The following C14orf39 variants were observed in gnomAD, a reference collection of about 807,000 sequenced individuals.
C14orf39 encodes the protein chromosome 14 open reading frame 39.
C14orf39 carries 66 observed loss-of-function variants against 85.6 expected under a neutral mutation model. That is an observed-to-expected ratio of 0.77 (90% CI 0.63 to 0.95). The LOEUF (loss-of-function observed/expected upper bound fraction) is 0.95. Ranked by LOEUF, C14orf39 falls within the 40% of genes least tolerant of loss-of-function variation. The pLI, the probability that C14orf39 is intolerant of heterozygous loss-of-function variation, is 0.00. For missense variants in C14orf39, 735 were observed against 663.9 expected, an observed-to-expected ratio of 1.11 and a Z score of -1.18; for synonymous variants, 242 against 214.0, an observed-to-expected ratio of 1.13 and a Z score of -1.14.
chr14:60,504,868 G>A (rs569812865), intron 1 of C14orf39, among the ~76,000 whole-genome samples: 2 of 152,318 alleles, frequency 1.3e-5, no homozygotes, highest in Middle Eastern at 3.4e-3. Flanking sequence ...TCAAAACACA[G>A]TTGAACAGGT....
intron 1 of C14orf39, chr14:60,509,855 C>A: frequency 6.2e-7 from 1 of 1,613,830 alleles, no homozygotes; most frequent in Non-Finnish European, 8.5e-7. Flanking sequence ...GGATCCATAC[C>A]CTAACCCCAG....
intron 2 of C14orf39, chr14:60,496,241 G>T: frequency 2.5e-6 from 1 of 404,480 alleles, no homozygotes; most frequent in Admixed American, 2.8e-5. Context: ...TGGATCTGCT[G>T]TAGCTGCTGC....
chr14:60,478,307 T>G lies in C14orf39; in HGVS notation c.316A>C (p.Lys106Gln). The G allele has an allele frequency of 6.5e-7, 1 of 1,540,614 alleles. No individual in the cohort carries two copies. Among genetic ancestry groups the G allele is most frequent in the Non-Finnish European group, 8.8e-7 (1 of 1,138,758 alleles). Residue 106 changes from lysine (K) to glutamine (Q), a missense_variant, in exon 5 of 18, where the codon AAA becomes CAA. Lys to Gln is a moderately conservative substitution (Grantham distance 53). Transcript: ENST00000321731. ...QFTVYQGTVE[K>Q]DKEMYHDYIC... Reference sequence around the variant, plus strand: ...TTCATATAAGTACTATACTTGTCTTTTTCAACAGTTCCTTGATAAACAGTA... The same window carrying G: ...TTCATATAAGTACTATACTTGTCTTGTTCAACAGTTCCTTGATAAACAGTA...
chr14:60,467,736 A>C (rs890565467), intron 9 of C14orf39, among the ~76,000 whole-genome samples: 5 of 151,768 alleles, frequency 3.3e-5, no homozygotes, highest in African/African-American at 1.2e-4. Context: ...AGAAAATAAC[A>C]CATCCAAAAA....
At chr14:60,494,254 A>G (rs1007975612) in intron 2 of C14orf39, 2 of 182,090 alleles carry the variant, frequency 1.1e-5, no homozygotes, top group Non-Finnish European at 2.4e-5. Flanking sequence ...TTTCCATGGC[A>G]TGTCTAGTTA....
chr14:60,464,312 A>G (rs550028121), intron 11 of C14orf39, among the ~76,000 whole-genome samples: 13 of 152,300 alleles, frequency 8.5e-5, no homozygotes, highest in Non-Finnish European at 1.8e-4. Context: ...TGAATGACCT[A>G]CTTTAGAATT....
intron 5 of C14orf39, among the ~76,000 whole-genome samples, chr14:60,477,922 G>A (rs1334231939): frequency 6.6e-6 from 1 of 152,080 alleles, no homozygotes; most frequent in Non-Finnish European, 1.5e-5. Flanking sequence ...GGTCATGCCT[G>A]TAATCCCAGC....
intron 5 of C14orf39, among the ~76,000 whole-genome samples, chr14:60,475,729 C>T (rs1246310247): frequency 6.6e-6 from 1 of 152,078 alleles, no homozygotes; most frequent in Non-Finnish European, 1.5e-5. Flanking sequence ...AGCTTGCCAA[C>T]TCTAATCGAA....
chr14:60,491,642 C>G lies in C14orf39; in HGVS notation c.-8-6556G>C, dbSNP rs1892990600. On this transcript the variant is annotated intron_variant, in intron 2 of 5. Transcript: ENST00000556799. This position sits in a 1 kb window ranked among gnomAD's most constrained non-coding sequence, Gnocchi z 4.5. ...CCTACCAATTTTTCCTCTTAAATAT[C>G]TTCCATCCATTTTTCTCTATTTCAG... Among the ~76,000 whole-genome samples the G allele has an allele frequency of 6.6e-6, 1 of 152,140 alleles. No homozygotes were observed. Among genetic ancestry groups the G allele is most frequent in the Non-Finnish European group, 1.5e-5 (1 of 68,022 alleles).
upstream of C14orf39, among the ~76,000 whole-genome samples, chr14:60,486,906 T>A (rs1479162195): frequency 6.6e-6 from 1 of 152,242 alleles, no homozygotes; most frequent in Admixed American, 6.5e-5. Context: ...CATGTTTTGA[T>A]AATGTAACAA....
chr14:60,437,324 T>C (rs1890301128), intron 17 of C14orf39, among the ~76,000 whole-genome samples: 1 of 151,814 alleles, frequency 6.6e-6, no homozygotes, highest in South Asian at 2.1e-4. Context: ...ATAAAACACC[T>C]CAAATGAAGA....
At chr14:60,458,319 A>T (rs1891371202) in intron 14 of C14orf39, among the ~76,000 whole-genome samples, 1 of 151,878 alleles carries the variant, frequency 6.6e-6, no homozygotes, top group Admixed American at 6.6e-5. Flanking sequence ...TCTATCCTGT[A>T]TCATCTTGAA....
chr14:60,503,921 T>C (rs138126950), intron 1 of C14orf39, among the ~76,000 whole-genome samples: 1 of 152,244 alleles, frequency 6.6e-6, no homozygotes, highest in Admixed American at 6.5e-5. Flanking sequence ...CTGTGCCTTG[T>C]TGATCATTTG....
At chr14:60,502,099 T>G (rs1893156556) in intron 1 of C14orf39, among the ~76,000 whole-genome samples, 1 of 152,216 alleles carries the variant, frequency 6.6e-6, no homozygotes. Context: ...AAGTTTAGTT[T>G]GAGAAACATC....
chr14:60,509,018 C>T, intron 1 of C14orf39: 1 of 284,232 alleles, frequency 3.5e-6, no homozygotes, highest in Non-Finnish European at 6.7e-6. Context: ...GAGCTAACGG[C>T]GGGCGCTGTC....
At chr14:60,475,349 T>C (rs994183295) in intron 5 of C14orf39, among the ~76,000 whole-genome samples, 6 of 152,118 alleles carry the variant, frequency 3.9e-5, no homozygotes, top group African/African-American at 1.4e-4. Context: ...AACCGGCTCC[T>C]ACACAAAAAA....
In C14orf39 at chr14:60,456,917, A is replaced by T. The variant is rs1891303435; in HGVS notation, c.1358T>A (p.Ile453Asn). The T allele has an allele frequency of 6.4e-7, 1 of 1,561,774 alleles. No individual in the cohort carries two copies. Among genetic ancestry groups the T allele is most frequent in the Non-Finnish European group, 8.6e-7 (1 of 1,160,524 alleles). Residue 453 changes from isoleucine (I) to asparagine (N), a missense_variant and splice_region_variant, in exon 15 of 18, where the codon ATT becomes AAT. By Grantham distance (149) the Ile-to-Asn change is moderately radical (BLOSUM62 -3). Transcript: ENST00000321731. ...IKFPKTPPFE[I>N]NRNRNAVPEV... ...CAATAGTTATTAATTAAAATCCTAC[A>T]TTTCGAACGGGGGGGTTTTAGGGAA...
chr14:60,438,661 T>C (rs1890368157), intron 17 of C14orf39, among the ~76,000 whole-genome samples: 1 of 151,942 alleles, frequency 6.6e-6, no homozygotes, highest in Non-Finnish European at 1.5e-5. Flanking sequence ...TGGTAAAAAG[T>C]ATAAAAAAGA....
intron 1 of C14orf39, among the ~76,000 whole-genome samples, chr14:60,504,060 T>A (rs1893176531): frequency 6.6e-6 from 1 of 152,202 alleles, no homozygotes; most frequent in South Asian, 2.1e-4. Context: ...ACCCACTAGA[T>A]GCCAACTGAG....
Sources: allele counts gnomAD v4.1 joint callset (sites outside exome capture counted in the v4.1 genomes callset), GRCh38; gene constraint gnomAD v4.1.1; non-coding constraint Gnocchi (gnomAD v3.1); transcripts MANE v1.5; gene names NCBI Gene and HGNC (gene_info 2026-07-23, HGNC 2026-07-21).